SH3GLB1: variants seen among roughly 807,000 people sequenced by gnomAD.
The protein encoded by SH3GLB1 is SH3 domain containing GRB2 like, endophilin B1.
Under a neutral mutation model 42.0 loss-of-function variants are expected in SH3GLB1, and 17 were observed. The ratio of observed to expected loss-of-function variants is 0.40; its 90% CI spans 0.28 to 0.61. The LOEUF is 0.61. Ranked by LOEUF, SH3GLB1 falls within the 20% of genes least tolerant of loss-of-function variation. The probability of loss-of-function intolerance (pLI) is 0.36; values close to 1 mark genes in which losing one functional copy is unlikely to be tolerated. For synonymous variants in SH3GLB1, 132 were observed against 146.6 expected, an observed-to-expected ratio of 0.90 and a Z score of 0.72; for missense variants, 355 against 426.3, an observed-to-expected ratio of 0.83 and a Z score of 1.47.
chr1:86,707,068 C>T (rs1034808344), intron 1 of SH3GLB1, among the ~76,000 whole-genome samples: 8 of 152,200 alleles, frequency 5.3e-5, no homozygotes, highest in African/African-American at 1.7e-4. Flanking sequence ...AGTGTCTGCC[C>T]TCCTGAAGCT....
chr1:86,732,197 A>T (rs1312220913), intron 5 of SH3GLB1, among the ~76,000 whole-genome samples: 1 of 152,214 alleles, frequency 6.6e-6, no homozygotes, highest in African/African-American at 2.4e-5. Context: ...AGCATTACCA[A>T]AATTTAGGGC....
chr1:86,739,320 A>G (rs1655941307), intron 7 of SH3GLB1, among the ~76,000 whole-genome samples: 1 of 152,182 alleles, frequency 6.6e-6, no homozygotes, highest in Non-Finnish European at 1.5e-5. Flanking sequence ...CGAGGCAAGG[A>G]AGATGATAAC....
chr1:86,724,099 T>C (rs532144919), intron 4 of SH3GLB1, among the ~76,000 whole-genome samples: 1 of 145,558 alleles, frequency 6.9e-6, no homozygotes, highest in East Asian at 2.2e-4. Context: ...CCCAGACACT[T>C]ACAATGTTTC....
chr1:86,705,117 T>G, intron 1 of SH3GLB1, 146 bp downstream of exon 1: 1 of 531,130 alleles, frequency 1.9e-6, no homozygotes, highest in Non-Finnish European at 3.2e-6. Context: ...CGCGGCCTGG[T>G]CCCCTCCCCG....
rs191496618 is a variant in SH3GLB1 at position 86,715,380 on chromosome 1, T to C, written c.73-344T>C. On this transcript the variant is annotated intron_variant, in intron 1 of 8. Transcript: ENST00000370558. ...TTCAGATTCAACTGACTCAAAGCTC[T>C]TACTCTTTACCGTTATCCTAGTCTA... Among the ~76,000 whole-genome samples, 459 of 152,334 alleles carry C rather than the reference T, an allele frequency of 3.0e-3. 5 individuals are homozygous for C. Among genetic ancestry groups the C allele is most frequent in the Non-Finnish European group, 4.0e-3 (274 of 68,022 alleles).
chr1:86,718,948 T>G (rs1304584367), intron 2 of SH3GLB1, among the ~76,000 whole-genome samples: 1 of 152,246 alleles, frequency 6.6e-6, no homozygotes, highest in Admixed American at 6.5e-5. Context: ...CAAGGCATCA[T>G]ATTGCTGATC....
In SH3GLB1 at chr1:86,743,801, G is replaced by T. The variant is rs1229860609; in HGVS notation, c.*566G>T. On this transcript the variant is annotated 3_prime_UTR_variant, in exon 9 of 9. Coordinates refer to ENST00000370558, the MANE Select transcript of SH3GLB1 (RefSeq NM_016009.5). ...TGATTTTAATATTATGTTTTGATGG[G>T]TTATTTTCAGAGTTGTTTGGTTTTT... 1 of 152,484 alleles carries T rather than the reference G, an allele frequency of 6.6e-6. No homozygotes were observed. The highest frequency in any genetic ancestry group is 6.6e-5 in the Admixed American group (1 of 15,260). 9.4% of individuals were successfully genotyped at this position (152,484 alleles called of 1,614,324 possible).
chr1:86,711,461 A>G (rs1654205100), intron 1 of SH3GLB1, among the ~76,000 whole-genome samples: 1 of 152,146 alleles, frequency 6.6e-6, no homozygotes, highest in Non-Finnish European at 1.5e-5. Flanking sequence ...AAAATTAGGT[A>G]TCAAATTATA....
chr1:86,744,843 C>A lies in SH3GLB1; in HGVS notation c.*1608C>A, dbSNP rs1384741272. ...TTATTTCTGTGCCATGAGACAAATTCTTCTGCAGTTTTATAGTTGTACAAG... is the reference window on the plus strand; with the variant it reads ...TTATTTCTGTGCCATGAGACAAATTATTCTGCAGTTTTATAGTTGTACAAG... On this transcript the variant is annotated 3_prime_UTR_variant, in exon 9 of 9. Coordinates refer to ENST00000370558, the MANE Select transcript of SH3GLB1 (RefSeq NM_016009.5). 2 of 152,132 alleles carry A rather than the reference C, an allele frequency of 1.3e-5. No homozygotes were observed. Among genetic ancestry groups the A allele is most frequent in the African/African-American group, 2.4e-5 (1 of 41,436 alleles). The allele number at this position is 152,132 out of a possible 1,614,324, so 9.4% of individuals were successfully genotyped here.
chr1:86,706,405 C>A (rs1006271817), intron 1 of SH3GLB1, among the ~76,000 whole-genome samples: 4 of 152,204 alleles, frequency 2.6e-5, no homozygotes, highest in Non-Finnish European at 5.9e-5. Context: ...TTTCTAAGTT[C>A]TAAAATCTGC....
rs529087306 is a variant in SH3GLB1, at chr1:86,720,463, C to T, written c.343+828C>T. Among the ~76,000 whole-genome samples the T allele has an allele frequency of 1.1e-4, 16 of 152,180 alleles. No homozygotes were observed. The South Asian group carries it at 2.7e-3, about 26-fold the overall frequency. Reference sequence around the variant, plus strand: ...TTATGTATTTCAAATTTTCTATAGCCGTGGTTTAGTTACACTCGCTTTATT... The same window carrying T: ...TTATGTATTTCAAATTTTCTATAGCTGTGGTTTAGTTACACTCGCTTTATT... On this transcript the variant is annotated intron_variant, in intron 3 of 8. Transcript: ENST00000370558.
At chr1:86,724,922 A>ATAT (rs1269778356) in intron 5 of SH3GLB1, among the ~76,000 whole-genome samples, 1 of 131,988 alleles carries the variant, frequency 7.6e-6, no homozygotes, top group African/African-American at 3.2e-5. Context: ...TAAAATATAT[A>ATAT]ATATATATGT....
intron 2 of SH3GLB1, among the ~76,000 whole-genome samples, chr1:86,717,714 G>A (rs1654618283): frequency 6.6e-6 from 1 of 152,116 alleles, no homozygotes; most frequent in Admixed American, 6.6e-5. Flanking sequence ...GAGCCACCAT[G>A]CCCAGCCTGT....
chr1:86,725,856 A>AT (rs1655169853), intron 5 of SH3GLB1, among the ~76,000 whole-genome samples: 1 of 152,134 alleles, frequency 6.6e-6, no homozygotes, highest in African/African-American at 2.4e-5. Flanking sequence ...GAGATACTGT[A>AT]TTAGTTACTG....
intron 3 of SH3GLB1, among the ~76,000 whole-genome samples, chr1:86,720,696 C>T (rs558869362): frequency 5.9e-5 from 9 of 152,158 alleles, no homozygotes; most frequent in Middle Eastern, 3.2e-3. Context: ...AAATTAATTT[C>T]TACACATAGT....
At chr1:86,728,541 C>A in intron 5 of SH3GLB1, 1 of 1,025,282 alleles carries the variant, frequency 9.8e-7, no homozygotes, top group Non-Finnish European at 1.4e-6. Flanking sequence ...CCTTCTCTTG[C>A]TATTAGCCGC....
intron 1 of SH3GLB1, among the ~76,000 whole-genome samples, chr1:86,707,418 T>C (rs1354389252): frequency 2.6e-5 from 4 of 152,214 alleles, no homozygotes; most frequent in Non-Finnish European, 5.9e-5. Context: ...ATTACAGTGG[T>C]AGCAGTGAAG....
At chr1:86,708,197 C>T (rs890915042) in intron 1 of SH3GLB1, among the ~76,000 whole-genome samples, 2 of 152,210 alleles carry the variant, frequency 1.3e-5, no homozygotes, top group African/African-American at 2.4e-5. Flanking sequence ...ACTGCTTTCT[C>T]ATCTCAGTAT....
At chr1:86,706,043 G>T (rs1054023919) in intron 1 of SH3GLB1, among the ~76,000 whole-genome samples, 4 of 152,202 alleles carry the variant, frequency 2.6e-5, no homozygotes, top group Admixed American at 2.6e-4. Flanking sequence ...CAAGGTAATA[G>T]CTGCCTATAT....
Sources: allele counts gnomAD v4.1 joint callset (sites outside exome capture counted in the v4.1 genomes callset), GRCh38; gene constraint gnomAD v4.1.1; transcripts MANE v1.5; gene names NCBI Gene and HGNC (gene_info 2026-07-23, HGNC 2026-07-21).